Variants in CCDC102B observed in about 807,000 individuals in gnomAD.
CCDC102B encodes the protein coiled-coil domain containing 102B.
CCDC102B carries 75 observed loss-of-function variants against 57.4 expected under a neutral mutation model. The observed-to-expected ratio is 1.31, with a 90% CI of 1.08 to 1.58. The LOEUF (loss-of-function observed/expected upper bound fraction) is 1.58. CCDC102B is among the 40% of genes most tolerant of loss of function. The pLI, the probability that CCDC102B is intolerant of heterozygous loss-of-function variation, is 0.00. For synonymous variants in CCDC102B, 206 were observed against 201.9 expected, an observed-to-expected ratio of 1.02 and a Z score of -0.17; for missense variants, 636 against 582.6, an observed-to-expected ratio of 1.09 and a Z score of -0.94.
chr18:68,779,321 C>T (rs375232415), intron 2 of CCDC102B, among the ~76,000 whole-genome samples: 6 of 152,194 alleles, frequency 3.9e-5, no homozygotes, highest in African/African-American at 1.4e-4. Flanking sequence ...AGCATAGATG[C>T]TGGGGATTAT....
At chr18:68,735,934 G>A (rs939842864) in intron 2 of CCDC102B, among the ~76,000 whole-genome samples, 12 of 152,312 alleles carry the variant, frequency 7.9e-5, no homozygotes, top group African/African-American at 2.9e-4. Flanking sequence ...GGGACATCAT[G>A]TGGTAGTATA....
chr18:68,935,860 G>T (rs1004639287), intron 6 of CCDC102B, among the ~76,000 whole-genome samples: 1 of 151,710 alleles, frequency 6.6e-6, no homozygotes, highest in Non-Finnish European at 1.5e-5. Flanking sequence ...GATGATAGTG[G>T]GTTCACCTGC....
At chr18:68,778,775 T>G (rs1568245305) in intron 2 of CCDC102B, among the ~76,000 whole-genome samples, 1 of 151,784 alleles carries the variant, frequency 6.6e-6, no homozygotes, top group East Asian at 1.9e-4. Context: ...GGAACTGCTT[T>G]GAAGGAATTC....
chr18:68,733,264 T>C (rs1365286488), intron 2 of CCDC102B, among the ~76,000 whole-genome samples: 1 of 152,064 alleles, frequency 6.6e-6, no homozygotes, highest in Non-Finnish European at 1.5e-5. Flanking sequence ...TAAAAACTAC[T>C]GTTGTTTACT....
At chr18:68,987,558 A>C (rs1285731716) in intron 6 of CCDC102B, among the ~76,000 whole-genome samples, 1 of 152,310 alleles carries the variant, frequency 6.6e-6, no homozygotes, top group East Asian at 1.9e-4. Context: ...TGACAGTGGG[A>C]CCTAATTAAA....
In CCDC102B at chr18:69,054,783, T is replaced by C; in HGVS notation, c.*646T>C. The stretch of plus-strand genomic sequence containing the variant: ...CATCGCTGAGAAACTAAAAGGACTT[T>C]TGACTTTTATCTGGATAGACATTTC... On this transcript the variant is annotated 3_prime_UTR_variant, in exon 8 of 8. Coordinates refer to ENST00000360242, the MANE Select transcript of CCDC102B (RefSeq NM_024781.3). The C allele has an allele frequency of 1.0e-6, 1 of 985,330 alleles. No individual in the cohort carries two copies. The allele number at this position is 985,330 out of a possible 1,614,324, so 61.0% of individuals were successfully genotyped here.
chr18:68,840,110 T>C (rs1029656949), intron 3 of CCDC102B, among the ~76,000 whole-genome samples: 10 of 152,200 alleles, frequency 6.6e-5, no homozygotes, highest in African/African-American at 2.4e-4. Context: ...CAGCTTACAA[T>C]TTTATTAGCA....
chr18:68,936,119 T>C (rs1177106686), intron 6 of CCDC102B, among the ~76,000 whole-genome samples: 1 of 151,984 alleles, frequency 6.6e-6, no homozygotes, highest in Non-Finnish European at 1.5e-5. Context: ...AAAGGCTCTG[T>C]GTATAAGACT....
At chr18:68,955,623 C>CT (rs201246585) in intron 6 of CCDC102B, among the ~76,000 whole-genome samples, 2,068 of 149,952 alleles carry the variant, frequency 0.014, 22 homozygotes, top group East Asian at 0.035. Flanking sequence ...TCACCTTTTC[C>CT]TTTTTTGTTT....
At chr18:68,868,079 G>GA (rs1007220163) in intron 4 of CCDC102B, among the ~76,000 whole-genome samples, 6 of 150,080 alleles carry the variant, frequency 4.0e-5, no homozygotes, top group African/African-American at 7.3e-5. Context: ...TGCATTTCCA[G>GA]AAAAAAAAAC....
intron 4 of CCDC102B, among the ~76,000 whole-genome samples, chr18:68,863,180 A>T (rs73967729): frequency 1.4e-4 from 2 of 13,844 alleles, no homozygotes; most frequent in Admixed American, 1.6e-3. Flanking sequence ...AGGTGTGTTT[A>T]TATATATATA....
intron 6 of CCDC102B, among the ~76,000 whole-genome samples, chr18:68,903,483 T>C (rs1396579110): frequency 6.6e-6 from 1 of 152,198 alleles, no homozygotes; most frequent in Non-Finnish European, 1.5e-5. Context: ...AAATGTAGAA[T>C]TGCAATTTCC....
intron 6 of CCDC102B, among the ~76,000 whole-genome samples, chr18:69,004,267 G>A (rs2051281681): frequency 6.6e-6 from 1 of 152,120 alleles, no homozygotes; most frequent in African/African-American, 2.4e-5. Context: ...CATTAGCTAT[G>A]GGAAGAACCA....
At chr18:68,773,214 C>T (rs2034699529) in intron 2 of CCDC102B, among the ~76,000 whole-genome samples, 2 of 151,968 alleles carry the variant, frequency 1.3e-5, no homozygotes, top group South Asian at 2.1e-4. Context: ...TGAGTTCCTT[C>T]TTTTAGAGGA....
intron 2 of CCDC102B, chr18:68,721,400 C>T (rs1316361069): frequency 1.3e-5 from 2 of 152,148 alleles, no homozygotes; most frequent in Non-Finnish European, 2.9e-5. Flanking sequence ...CTGCCTCTAC[C>T]AGGGGAACCA....
chr18:68,740,543 T>C (rs890944767), intron 2 of CCDC102B, among the ~76,000 whole-genome samples: 6 of 152,220 alleles, frequency 3.9e-5, no homozygotes, highest in Non-Finnish European at 7.3e-5. Flanking sequence ...GATGTGAGAT[T>C]GACATATGAT....
intron 2 of CCDC102B, among the ~76,000 whole-genome samples, chr18:68,774,525 A>C (rs2034746397): frequency 6.6e-6 from 1 of 152,008 alleles, no homozygotes; most frequent in Admixed American, 6.6e-5. Context: ...ATATACACAC[A>C]ACAGTCTCAG....
At chr18:68,874,212 G>GTA (rs1031107929) in intron 4 of CCDC102B, among the ~76,000 whole-genome samples, 18 of 120,676 alleles carry the variant, frequency 1.5e-4, no homozygotes, top group South Asian at 8.4e-4. Flanking sequence ...GTGTGTGTGT[G>GTA]TATATATATA....
At chr18:68,958,495 T>C (rs1467763805) in intron 6 of CCDC102B, among the ~76,000 whole-genome samples, 1 of 152,144 alleles carries the variant, frequency 6.6e-6, no homozygotes, top group Admixed American at 6.6e-5. Flanking sequence ...TAACTTCAGA[T>C]AGCTAGTATT....
Sources: allele counts gnomAD v4.1 joint callset (sites outside exome capture counted in the v4.1 genomes callset), GRCh38; gene constraint gnomAD v4.1.1; transcripts MANE v1.5; gene names NCBI Gene and HGNC (gene_info 2026-07-23, HGNC 2026-07-21).